Variants in TAOK2 observed in about 807,000 individuals in gnomAD.
TAOK2 encodes serine/threonine-protein kinase TAO2.
A neutral mutation model predicts 122.5 loss-of-function variants in TAOK2; 42 were observed. That is an observed-to-expected ratio of 0.34 (90% CI 0.27 to 0.44). The LOEUF (loss-of-function observed/expected upper bound fraction) is 0.44. Ranked by LOEUF, TAOK2 falls within the 20% of genes least tolerant of loss-of-function variation. TAOK2 has a pLI of 1.00. For synonymous variants in TAOK2, 704 were observed against 677.6 expected (o/e 1.04, Z -0.61); for missense variants, 1,264 against 1,644.9 (o/e 0.77, Z 4.01).
At position 29,987,232 on chromosome 16, in the gene TAOK2, C is replaced by T. The variant is rs371334367; in HGVS notation, c.2960C>T (p.Ala987Val). 1 of 1,541,254 alleles carries T rather than the reference C, an allele frequency of 6.5e-7. No individual in the cohort carries two copies. Among genetic ancestry groups the T allele is most frequent in the South Asian group, 1.3e-5 (1 of 77,390 alleles). Residue 987 changes from alanine to valine, a missense_variant, in exon 16 of 16, where the codon GCA becomes GTA. Transcript: ENST00000308893. ...GCCCAGGGTGGGGGTGGCCTGCAGGCAGCGCTGCTGGCCCTTGAGGTGGGG... is the reference window on the plus strand; with the variant it reads ...GCCCAGGGTGGGGGTGGCCTGCAGGTAGCGCTGCTGGCCCTTGAGGTGGGG... ...LAAQGGGGLQ[A>V]ALLALEVGLV...
intron 1 of TAOK2, 66 bp from the exon 2 acceptor site, chr16:29,977,672 A>G (rs1027927235): frequency 8.8e-5 from 127 of 1,444,056 alleles, no homozygotes; most frequent in Non-Finnish European, 1.1e-4. Context: ...CAGAAACTTG[A>G]TGGGTCCCTT....
At chr16:29,989,517 CTCCTCT>C (rs974232056), downstream of TAOK2, 68 of 1,599,280 alleles carry the variant, frequency 4.3e-5, no homozygotes, top group Non-Finnish European at 5.3e-5. Flanking sequence ...CTGGTTGTTC[CTCCTCT>C]TCCTCTTCCT....
chr16:29,987,326 A>G lies in TAOK2; in HGVS notation c.3054A>G (p.Leu1018=), dbSNP rs1203593735. The change falls in exon 16 of 16, where the codon CTA becomes CTG. Residue 1018 remains leucine (L), a synonymous_variant. Transcript: ENST00000308893. ...TALHLPSSLF[L]LLAQGTALGA... ...TGCACCTGCCCTCCAGTCTTTTCCT[A>G]CTCCTGGCCCAGGGTACCGCACTGG... is the stretch of plus-strand genomic sequence containing the variant. The G allele has an allele frequency of 2.0e-6, 3 of 1,525,662 alleles. No individual in the cohort carries two copies. The highest frequency in any genetic ancestry group is 2.6e-5 in the South Asian group (2 of 76,610). The allele number at this position is 1,525,662 out of a possible 1,614,324, so 94.5% of individuals were successfully genotyped here.
At chr16:29,991,507 T>C, downstream of TAOK2, 1 of 1,480,064 alleles carries the variant, frequency 6.8e-7, no homozygotes, top group Non-Finnish European at 9.0e-7. This position sits in a 1 kb window ranked among gnomAD's most constrained non-coding sequence, Gnocchi z 5.6. Flanking sequence ...CCCGGGCCCC[T>C]GAGCCGCAGC....
chr16:29,990,424 ATTTC>A, downstream of TAOK2: 1 of 182,688 alleles, frequency 5.5e-6, no homozygotes, highest in Non-Finnish European at 1.1e-5. Flanking sequence ...TCCACTTAAT[ATTTC>A]TTGGACATCT....
At position 29,983,351 on chromosome 16, in the gene TAOK2, G is replaced by A. The variant is rs1213768810; in HGVS notation, c.1260+19G>A. 1 of 1,580,026 alleles carries A rather than the reference G, an allele frequency of 6.3e-7. No homozygotes were observed. The highest frequency in any genetic ancestry group is 8.6e-7 in the Non-Finnish European group (1 of 1,167,556). On this transcript the variant is annotated intron_variant, in intron 12 of 15. Transcript: ENST00000308893. ...GCTGCCGGTACACAGCTCACCCTTG[G>A]GGGACCCGAGCCACCTGCTCTAGAA...
rs1217780512 is a variant in TAOK2, at chr16:29,983,492, T to A, written c.1261-11T>A. On this transcript the variant is annotated splice_polypyrimidine_tract_variant and intron_variant, in intron 12 of 15. Coordinates refer to ENST00000308893, the MANE Select transcript of TAOK2 (RefSeq NM_016151.4). The stretch of plus-strand genomic sequence containing the variant: ...CTCTGAGCCTTGGGTGTTCCTTCTA[T>A]CTCCCTCTAGGGCTCTGACAACCTA... 1 of 1,598,978 alleles carries A rather than the reference T, an allele frequency of 6.3e-7. No homozygotes were observed. Among genetic ancestry groups the A allele is most frequent in the Admixed American group, 1.7e-5 (1 of 59,156 alleles).
chr16:29,988,294 T>C lies in TAOK2; in HGVS notation c.*314T>C, dbSNP rs2069878982. 16 of 1,455,906 alleles carry C rather than the reference T, an allele frequency of 1.1e-5. No individual in the cohort carries two copies. The highest frequency in any genetic ancestry group is 1.5e-5 in the Non-Finnish European group (16 of 1,101,524). 90.2% of individuals were successfully genotyped at this position (1,455,906 alleles called of 1,614,324 possible). ...AGGGTGGGAAGAGTCATGTTTTTTT[T>C]CTCCTCTTTGATTTTGTTTTTCTGT... On this transcript the variant is annotated 3_prime_UTR_variant, in exon 16 of 16. Transcript: ENST00000308893.
Position 29,987,176 on chromosome 16 carries a change from C to CCTGCTG in TAOK2, c.2916_2921dup (p.Leu973_Leu974dup), listed in dbSNP as rs751062812. ...GGTCCTCCTCTGGCCTCCTGCCCCT[C>CCTGCTG]CTGCTGCTGCTGCTGCTTCCATTGC... On this transcript the variant is annotated inframe_insertion, in exon 16 of 16. Coordinates refer to ENST00000308893, the MANE Select transcript of TAOK2 (RefSeq NM_016151.4). The CCTGCTG allele has an allele frequency of 2.6e-6, 4 of 1,559,982 alleles. No homozygotes were observed. The highest frequency in any genetic ancestry group is 1.4e-5 in the African/African-American group (1 of 72,732).
At position 29,986,020 on chromosome 16, in the gene TAOK2, C is replaced by T. The variant is rs940940514; in HGVS notation, c.1992+159C>T. 1.1e-4 allele frequency among the ~76,000 whole-genome samples: 16 copies of T among 152,170 alleles called. No homozygotes were observed. The highest frequency in any genetic ancestry group is 6.5e-5 in the Admixed American group (1 of 15,284). On this transcript the variant is annotated intron_variant, in intron 15 of 15. Transcript: ENST00000308893. This position sits in a 1 kb window ranked among gnomAD's most constrained non-coding sequence, Gnocchi z 4.2. ...CTTTTACTTCTCATCCCCAACAGAC[C>T]CTGCCAGAATTTCCTTAGGCCTCTT...
At chr16:29,989,631 G>T (rs769501718), downstream of TAOK2, 5 of 1,613,932 alleles carry the variant, frequency 3.1e-6, no homozygotes, top group Non-Finnish European at 4.2e-6. Context: ...TCCAGGAGAC[G>T]TGTAAGATCC....
Position 29,982,822 on chromosome 16 carries a change from T to A in TAOK2, c.920T>A (p.Leu307Gln). 1 of 1,614,066 alleles carries A rather than the reference T, an allele frequency of 6.2e-7. No homozygotes were observed. Among genetic ancestry groups the A allele is most frequent in the Non-Finnish European group, 8.5e-7 (1 of 1,179,980 alleles). The change falls in exon 11 of 16, where the codon CTG becomes CAG. Residue 307 changes from leucine (L) to glutamine (Q), a missense_variant. This residue lies in a region of TAOK2 where 254 missense variants were observed against 503.8 expected (regional missense o/e 0.50). Coordinates refer to ENST00000308893, the MANE Select transcript of TAOK2 (RefSeq NM_016151.4). ...TKDAVRELDN[L>Q]QYRKMKKILF... ...GATGCCGTGCGGGAGCTGGACAACC[T>A]GCAGTACCGCAAGATGAAGAAGATC...
Sources: gnomAD v4.1 joint callset for allele counts (sites outside exome capture counted in the v4.1 genomes callset) on GRCh38, gnomAD v4.1.1 for gene constraint, gnomAD v4.1.1 regional missense constraint, Gnocchi (gnomAD v3.1) non-coding constraint, MANE v1.5 for transcripts, NCBI Gene and HGNC (gene_info 2026-07-23, HGNC 2026-07-21) for gene names.